The following FRRS1 variants were observed in gnomAD, a reference collection of about 807,000 sequenced individuals.
FRRS1 encodes the protein ferric chelate reductase 1.
FRRS1 carries 51 observed loss-of-function variants against 70.7 expected under a neutral mutation model. That is an observed-to-expected ratio of 0.72 (90% CI 0.58 to 0.91). FRRS1 has a LOEUF of 0.91. Ranked by LOEUF, FRRS1 falls within the 40% of genes least tolerant of loss-of-function variation. FRRS1 has a pLI of 0.00. For synonymous variants in FRRS1, 225 were observed against 238.7 expected (o/e 0.94, Z 0.53); for missense variants, 672 against 726.0 (o/e 0.93, Z 0.86).
intron 6 of FRRS1, among the ~76,000 whole-genome samples, chr1:99,740,586 G>A (rs958235681): frequency 2.6e-5 from 4 of 151,980 alleles, no homozygotes; most frequent in African/African-American, 9.7e-5. Flanking sequence ...ATAATATATG[G>A]ACATTATATT....
At chr1:99,729,476 T>C (rs187921177) in intron 8 of FRRS1, among the ~76,000 whole-genome samples, 174 bp downstream of exon 8, 41 of 152,352 alleles carry the variant, frequency 2.7e-4, no homozygotes, top group Admixed American at 5.9e-4. Flanking sequence ...ACTTCTGAAG[T>C]GTAGAAAAGT....
At chr1:99,741,301 T>C (rs1286318525) in intron 5 of FRRS1, among the ~76,000 whole-genome samples, 1 of 152,208 alleles carries the variant, frequency 6.6e-6, no homozygotes, top group Non-Finnish European at 1.5e-5. Flanking sequence ...CCAAAGGGCA[T>C]GTGTAGCAAG....
intron 7 of FRRS1, among the ~76,000 whole-genome samples, chr1:99,737,013 A>G (rs1324095839): frequency 6.9e-6 from 1 of 145,532 alleles, no homozygotes; most frequent in Non-Finnish European, 1.5e-5. Context: ...TTAAGTTTAA[A>G]TCCTGATAAG....
chr1:99,754,081 A>G (rs1272665014), intron 1 of FRRS1, among the ~76,000 whole-genome samples: 1 of 152,218 alleles, frequency 6.6e-6, no homozygotes, highest in Non-Finnish European at 1.5e-5. Flanking sequence ...TAATTCTCCA[A>G]GAAGACATAA....
intron 1 of FRRS1, among the ~76,000 whole-genome samples, chr1:99,759,952 A>G (rs111547740): frequency 5.3e-5 from 8 of 152,344 alleles, no homozygotes; most frequent in African/African-American, 1.7e-4. Context: ...GAGAAGGTGA[A>G]AAGTAAACAG....
chr1:99,740,891 G>C lies in FRRS1; in HGVS notation c.478C>G (p.Pro160Ala), dbSNP rs772290627. The C allele has an allele frequency of 1.9e-6, 3 of 1,608,826 alleles. No individual in the cohort carries two copies. The highest frequency in any genetic ancestry group is 1.7e-6 in the Non-Finnish European group (2 of 1,175,276). The change falls in exon 6 of 17, where the codon CCT becomes GCT. Residue 160 changes from proline to alanine, a missense_variant. Physicochemically the swap from Pro to Ala is conservative, Grantham distance 27. Coordinates refer to ENST00000646001, the MANE Select transcript of FRRS1 (RefSeq NM_001361041.2). The part of the protein sequence containing the change: ...YKIYWVKIPG[P>A]IISQPNAFPF... ...AATGCATTTGGTTGTGAAATTATAG[G>C]ACCAGGAATCTTCACCCAGTAGATT...
At chr1:99,728,845 A>C (rs775263206) in intron 8 of FRRS1, among the ~76,000 whole-genome samples, 17 of 152,248 alleles carry the variant, frequency 1.1e-4, no homozygotes, top group Admixed American at 3.3e-4. Flanking sequence ...CCCACTTGGC[A>C]AAAAGAAAAA....
Position 99,712,094 on chromosome 1 carries a change from C to T in FRRS1, c.1480+11G>A, listed in dbSNP as rs1385240179. The T allele has an allele frequency of 6.3e-7, 1 of 1,581,712 alleles. No homozygotes were observed. On this transcript the variant is annotated intron_variant, in intron 14 of 16. Transcript: ENST00000646001. Reference sequence around the variant, plus strand: ...AATTATATATGAATAAGTGGCATCACAATCTCTTACCTGCTATTATTCTAG... The same window carrying T: ...AATTATATATGAATAAGTGGCATCATAATCTCTTACCTGCTATTATTCTAG...
At chr1:99,745,793 G>A (rs1017537797) in intron 4 of FRRS1, among the ~76,000 whole-genome samples, 14 of 152,276 alleles carry the variant, frequency 9.2e-5, no homozygotes, top group African/African-American at 3.4e-4. Flanking sequence ...CTGGTGGGAG[G>A]TGTTTGTGTC....
chr1:99,711,544 G>C (rs1654271818), intron 14 of FRRS1: 1 of 153,040 alleles, frequency 6.5e-6, no homozygotes, highest in Admixed American at 6.5e-5. Flanking sequence ...TGCAATATAT[G>C]AAAGGAGAAA....
chr1:99,728,401 G>A (rs574568212), intron 9 of FRRS1, 92 bp downstream of exon 9: 32 of 1,047,688 alleles, frequency 3.1e-5, no homozygotes, highest in African/African-American at 4.8e-5. Context: ...CCTTAAAAAC[G>A]GGCAATTACA....
In FRRS1 at chr1:99,717,547, T is replaced by C. The variant is rs745645505; in HGVS notation, c.1121-22A>G. 5 of 1,468,256 alleles carry C rather than the reference T, an allele frequency of 3.4e-6. No individual in the cohort carries two copies. In the East Asian group the frequency reaches 6.8e-5, roughly 20 times the overall value. The allele number at this position is 1,468,256 out of a possible 1,614,324, so 91.0% of individuals were successfully genotyped here. A position where few individuals can be genotyped will look rare whatever the true frequency, so the allele number is the denominator to read the frequency against. ...GCACCTACAAGTGAGATAAATGCAA[T>C]AGTAGACAATCACAAACGAATCAAG... On this transcript the variant is annotated intron_variant, in intron 10 of 16. Coordinates refer to ENST00000646001, the MANE Select transcript of FRRS1 (RefSeq NM_001361041.2).
intron 6 of FRRS1, 43 bp downstream of exon 6, chr1:99,740,750 G>A (rs1294819646): frequency 7.2e-7 from 1 of 1,393,842 alleles, no homozygotes; most frequent in African/African-American, 1.4e-5. Context: ...TGGGCAACAT[G>A]GTGAAACCCC....
At chr1:99,731,482 A>G (rs1014309763) in intron 7 of FRRS1, among the ~76,000 whole-genome samples, 1 of 152,250 alleles carries the variant, frequency 6.6e-6, no homozygotes, top group African/African-American at 2.4e-5. Flanking sequence ...CCAATTCCAG[A>G]TAAGAAATTT....
At chr1:99,738,034 C>T (rs1285540647) in intron 7 of FRRS1, 52 bp downstream of exon 7, 1 of 1,453,342 alleles carries the variant, frequency 6.9e-7, no homozygotes, top group African/African-American at 1.5e-5. Context: ...AGCCACCATG[C>T]CTAGCCGTGA....
rs149824246 is a variant in FRRS1, at chr1:99,719,546, G to A, written c.1108C>T (p.Leu370=). The A allele has an allele frequency of 6.4e-7, 1 of 1,563,220 alleles. No homozygotes were observed. Among genetic ancestry groups the A allele is most frequent in the Non-Finnish European group, 8.8e-7 (1 of 1,134,002 alleles). ...ACATGTAACCTACCATGAACCTTCA[G>A]AAGGAGTACAGAATGGGATCCTCCT... The part of the protein sequence containing the change: ...NIGGSHSVLL[L]KVHGALMFVA... The change falls in exon 10 of 17, where the codon CTG becomes TTG. Residue 370 remains leucine, a synonymous_variant. Transcript: ENST00000646001.
intron 5 of FRRS1, among the ~76,000 whole-genome samples, chr1:99,741,722 A>G (rs904616161): frequency 1.3e-5 from 2 of 152,256 alleles, no homozygotes; most frequent in East Asian, 3.8e-4. Flanking sequence ...ACAGGAGCCA[A>G]TCTAAAAGTA....
At chr1:99,740,154 C>T (rs1655881536) in intron 6 of FRRS1, among the ~76,000 whole-genome samples, 1 of 152,130 alleles carries the variant, frequency 6.6e-6, no homozygotes, top group Admixed American at 6.6e-5. Context: ...CAAGAATCTC[C>T]TCCAAATCTT....
In FRRS1 at chr1:99,713,565, A is replaced by G. The variant is rs150382895; in HGVS notation, c.1324-1050T>C. Reference sequence around the variant, plus strand: ...AATCTTATCCCTGTAGCACCAGCCCAAGCTCTGAAATGTGAAATTTTGATA... The same window carrying G: ...AATCTTATCCCTGTAGCACCAGCCCGAGCTCTGAAATGTGAAATTTTGATA... On this transcript the variant is annotated intron_variant, in intron 12 of 16. Coordinates refer to ENST00000646001, the MANE Select transcript of FRRS1 (RefSeq NM_001361041.2). Among the ~76,000 whole-genome samples, 649 of 152,326 alleles carry G rather than the reference A, an allele frequency of 4.3e-3. 7 individuals carry two copies. Among genetic ancestry groups the G allele is most frequent in the African/African-American group, 0.014 (594 of 41,568 alleles).
Sources: allele counts gnomAD v4.1 joint callset (sites outside exome capture counted in the v4.1 genomes callset), GRCh38; gene constraint gnomAD v4.1.1; transcripts MANE v1.5; gene names NCBI Gene and HGNC (gene_info 2026-07-23, HGNC 2026-07-21).